PLSCR2: variants seen among roughly 807,000 people sequenced by gnomAD.
PLSCR2 encodes phospholipid scramblase 2.
PLSCR2 carries 18 observed loss-of-function variants against 25.3 expected under a neutral mutation model. The ratio of observed to expected loss-of-function variants is 0.71; its 90% confidence interval spans 0.49 to 1.06. The LOEUF is 1.06. Ranked by LOEUF, PLSCR2 falls within the 50% of genes least tolerant of loss-of-function variation. The probability of loss-of-function intolerance (pLI) is 0.00; values close to 1 mark genes in which losing one functional copy is unlikely to be tolerated. For missense variants in PLSCR2, 243 were observed against 269.5 expected (o/e 0.90, Z 0.69); for synonymous variants, 88 against 87.3 (o/e 1.01, Z -0.04).
chr3:146,494,737 T>C (rs185557779), intron 1 of PLSCR2: 1 of 152,326 alleles, frequency 6.6e-6, no homozygotes, highest in Admixed American at 6.5e-5. Context: ...CACAATTATA[T>C]TAGTTGGAAA....
At chr3:146,448,487 G>A (rs1341732867) in intron 6 of PLSCR2, among the ~76,000 whole-genome samples, 2 of 152,128 alleles carry the variant, frequency 1.3e-5, no homozygotes, top group African/African-American at 4.8e-5. Flanking sequence ...CAGAGATTTT[G>A]GTTTAATAAA....
chr3:146,491,392 C>G (rs1212624950), intron 1 of PLSCR2, among the ~76,000 whole-genome samples: 2 of 152,036 alleles, frequency 1.3e-5, no homozygotes, highest in African/African-American at 2.4e-5. Flanking sequence ...AATTTTCACA[C>G]TGAAAATTCT....
chr3:146,440,477 G>C (rs2108229506), downstream of PLSCR2, among the ~76,000 whole-genome samples: 1 of 152,346 alleles, frequency 6.6e-6, no homozygotes, highest in South Asian at 2.1e-4. Context: ...AGCAATGGCA[G>C]ACGCCCCTTC....
At chr3:146,445,316 C>G (rs892079403) in intron 6 of PLSCR2, among the ~76,000 whole-genome samples, 1 of 152,132 alleles carries the variant, frequency 6.6e-6, no homozygotes, top group Admixed American at 6.5e-5. Flanking sequence ...GATTGAAGAA[C>G]TTCCTTTAGT....
intron 1 of PLSCR2, among the ~76,000 whole-genome samples, chr3:146,466,915 G>A (rs983933972): frequency 1.1e-4 from 16 of 152,246 alleles, no homozygotes; most frequent in African/African-American, 3.8e-4. Flanking sequence ...TCTTTCTTAC[G>A]TAAGATAGAA....
upstream of PLSCR2, chr3:146,463,914 T>C (rs2041742433): frequency 1.0e-6 from 1 of 972,504 alleles, no homozygotes; most frequent in African/African-American, 1.8e-5. Flanking sequence ...TTAAGAATTC[T>C]CCAATTATAG....
chr3:146,463,810 T>G (rs1042897074), upstream of PLSCR2: 21 of 934,640 alleles, frequency 2.2e-5, no homozygotes, highest in Non-Finnish European at 2.6e-5. Context: ...AATCTAGAAT[T>G]CTCAAGAAGA....
At chr3:146,414,259 A>C (rs897088290) in intron 2 of PLSCR2, among the ~76,000 whole-genome samples, 1 of 152,216 alleles carries the variant, frequency 6.6e-6, no homozygotes, top group African/African-American at 2.4e-5. Context: ...ACTGATGATT[A>C]AGTTTCCAGC....
chr3:146,493,820 A>C (rs564947753), intron 1 of PLSCR2, among the ~76,000 whole-genome samples: 58 of 135,878 alleles, frequency 4.3e-4, no homozygotes, highest in Middle Eastern at 7.9e-3. Context: ...AAGTGTAAAA[A>C]CTTTGAGAAC....
intron 2 of PLSCR2, among the ~76,000 whole-genome samples, chr3:146,411,870 G>A (rs1457628199): frequency 6.6e-6 from 1 of 152,058 alleles, no homozygotes; most frequent in Non-Finnish European, 1.5e-5. Flanking sequence ...ACTATTACAA[G>A]GTGATAGACT....
At chr3:146,438,178 A>C (rs1470561714), downstream of PLSCR2, among the ~76,000 whole-genome samples, 1 of 152,120 alleles carries the variant, frequency 6.6e-6, no homozygotes, top group Non-Finnish European at 1.5e-5. Context: ...TTTGCTGAGG[A>C]GTGCTTTACT....
chr3:146,428,024 C>T (rs1217865916), intron 2 of PLSCR2, among the ~76,000 whole-genome samples: 2 of 152,064 alleles, frequency 1.3e-5, no homozygotes, highest in African/African-American at 2.4e-5. Context: ...CACACACACA[C>T]AAAAATTAGA....
chr3:146,396,186 A>G, intron 2 of PLSCR2, among the ~76,000 whole-genome samples: 1 of 152,156 alleles, frequency 6.6e-6, no homozygotes, highest in East Asian at 1.9e-4. Context: ...AATTCATATT[A>G]TTTGCTTTAA....
upstream of PLSCR2, chr3:146,461,969 A>T (rs1267312480): frequency 1.2e-5 from 15 of 1,262,982 alleles, no homozygotes; most frequent in Admixed American, 2.7e-5. Context: ...AAAAAAAAAA[A>T]TGACAAAGAA....
downstream of PLSCR2, among the ~76,000 whole-genome samples, chr3:146,437,419 G>A (rs2108191631): frequency 6.6e-6 from 1 of 152,218 alleles, no homozygotes; most frequent in East Asian, 1.9e-4. Context: ...TTTTTGGTTG[G>A]TAGGCTATTA....
intron 1 of PLSCR2, among the ~76,000 whole-genome samples, chr3:146,483,378 C>A (rs1212320715): frequency 1.4e-5 from 2 of 140,490 alleles, no homozygotes; most frequent in Non-Finnish European, 3.1e-5. Context: ...ACATGTATAC[C>A]TATGTAACAA....
At chr3:146,483,506 TATA>T (rs1401251477) in intron 1 of PLSCR2, among the ~76,000 whole-genome samples, 9 of 123,226 alleles carry the variant, frequency 7.3e-5, no homozygotes, top group East Asian at 2.2e-4. Flanking sequence ...TATATATATA[TATA>T]ATGTTACTAC....
chr3:146,392,212 T>G (rs189427401), intron 3 of PLSCR2, among the ~76,000 whole-genome samples: 34 of 152,258 alleles, frequency 2.2e-4, no homozygotes, highest in Non-Finnish European at 3.7e-4. Context: ...AGTTACTATA[T>G]TGTACACAAT....
intron 8 of PLSCR2, among the ~76,000 whole-genome samples, chr3:146,435,418 T>A (rs1245737830): frequency 7.2e-5 from 11 of 152,178 alleles, no homozygotes; most frequent in Admixed American, 6.5e-4. Flanking sequence ...TTTCTCTACA[T>A]CCTCTCCAGC....
Sources: gnomAD v4.1 joint callset for allele counts (sites outside exome capture counted in the v4.1 genomes callset) on GRCh38, gnomAD v4.1.1 for gene constraint, MANE v1.5 for transcripts, NCBI Gene and HGNC (gene_info 2026-07-23, HGNC 2026-07-21) for gene names.